ASXL2: variants seen among roughly 807,000 people sequenced by gnomAD.
ASXL2 encodes ASXL transcriptional regulator 2, also known as putative Polycomb group protein ASXL2.
In ASXL2, 23 loss-of-function variants were observed where a neutral mutation model predicts 122.0. That is an observed-to-expected ratio of 0.19 (90% CI 0.14 to 0.27). The LOEUF is 0.27. Ranked by LOEUF, ASXL2 falls within the 10% of genes least tolerant of loss-of-function variation. ASXL2 has a pLI of 1.00. For missense variants in ASXL2, 1,518 were observed against 1,713.8 expected, an observed-to-expected ratio of 0.89 and a Z score of 2.02; for synonymous variants, 650 against 637.0, an observed-to-expected ratio of 1.02 and a Z score of -0.31.
In ASXL2 at chr2:25,740,137, C is replaced by T. The variant is rs149989272; in HGVS notation, c.*1892G>A. ...GACAGACATATCGTTCTGGCTGAAGCTGGAACACAGATATTAATCCTATAT... is the reference window on the plus strand; with the variant it reads ...GACAGACATATCGTTCTGGCTGAAGTTGGAACACAGATATTAATCCTATAT... On this transcript the variant is annotated 3_prime_UTR_variant, in exon 13 of 13. Coordinates refer to ENST00000435504, the MANE Select transcript of ASXL2 (RefSeq NM_018263.6). 1.4e-4 allele frequency: 32 copies of T among 223,846 alleles called. No individual in the cohort carries two copies. Among genetic ancestry groups the T allele is most frequent in the African/African-American group, 6.7e-4 (30 of 44,952 alleles). The allele number at this position is 223,846 out of a possible 1,614,324, so 13.9% of individuals were successfully genotyped here. A position where few individuals can be genotyped will look rare whatever the true frequency, so the allele number is the denominator to read the frequency against.
intron 2 of ASXL2, among the ~76,000 whole-genome samples, chr2:25,839,380 C>T (rs1559525474): frequency 6.6e-6 from 1 of 152,200 alleles, no homozygotes; most frequent in Non-Finnish European, 1.5e-5. Flanking sequence ...CCAGATATCA[C>T]AGCTACAGCA....
intron 8 of ASXL2, among the ~76,000 whole-genome samples, chr2:25,761,249 C>T (rs2088237632): frequency 6.6e-6 from 1 of 152,124 alleles, no homozygotes; most frequent in Non-Finnish European, 1.5e-5. Flanking sequence ...AAAACTAAAG[C>T]TCTAGAAGTG....
intron 1 of ASXL2, among the ~76,000 whole-genome samples, chr2:25,867,931 A>G (rs193204337): frequency 4.5e-4 from 68 of 152,316 alleles, no homozygotes; most frequent in African/African-American, 1.5e-3. Flanking sequence ...TCATACTCCC[A>G]AATTTTAGTA....
At chr2:25,853,261 A>T (rs990915880) in intron 1 of ASXL2, among the ~76,000 whole-genome samples, 1 of 152,210 alleles carries the variant, frequency 6.6e-6, no homozygotes, top group African/African-American at 2.4e-5. Flanking sequence ...TGAGTTCAGG[A>T]GCTCAACACA....
At chr2:25,755,493 A>G (rs955813678) in intron 10 of ASXL2, among the ~76,000 whole-genome samples, 3 of 152,242 alleles carry the variant, frequency 2.0e-5, no homozygotes, top group Non-Finnish European at 4.4e-5. Flanking sequence ...TCTGACTGCC[A>G]ATTAACTGTC....
At chr2:25,828,077 TTTTAAG>T (rs1410928910) in intron 3 of ASXL2, among the ~76,000 whole-genome samples, 1 of 152,170 alleles carries the variant, frequency 6.6e-6, no homozygotes, top group East Asian at 1.9e-4. Context: ...TATGTTCTAT[TTTTAAG>T]TAAACAAATG....
chr2:25,857,232 A>G (rs1333705533), intron 1 of ASXL2, among the ~76,000 whole-genome samples: 1 of 152,078 alleles, frequency 6.6e-6, no homozygotes, highest in African/African-American at 2.4e-5. Flanking sequence ...AACACAGAGA[A>G]AAAGCACACC....
At chr2:25,867,042 A>G (rs1419655335) in intron 1 of ASXL2, among the ~76,000 whole-genome samples, 1 of 152,178 alleles carries the variant, frequency 6.6e-6, no homozygotes, top group Non-Finnish European at 1.5e-5. Flanking sequence ...CTGGGATTAC[A>G]GGCATGTGCC....
intron 1 of ASXL2, among the ~76,000 whole-genome samples, chr2:25,867,571 C>A (rs941896870): frequency 1.3e-5 from 2 of 152,190 alleles, no homozygotes; most frequent in African/African-American, 4.8e-5. Flanking sequence ...ACCAGTCTTT[C>A]CTGCCCTCTA....
intron 3 of ASXL2, among the ~76,000 whole-genome samples, chr2:25,830,584 T>C (rs985658434): frequency 1.2e-4 from 18 of 146,536 alleles, no homozygotes; most frequent in Middle Eastern, 3.6e-3. Context: ...CGAGATCGCA[T>C]CACTGCTCTC....
intron 1 of ASXL2, among the ~76,000 whole-genome samples, chr2:25,851,894 C>T (rs2089719997): frequency 6.6e-6 from 1 of 151,740 alleles, no homozygotes; most frequent in South Asian, 2.1e-4. Flanking sequence ...CTGCCTCCCC[C>T]ACCAAAAAAA....
At chr2:25,780,698 T>C (rs1284753205) in intron 5 of ASXL2, among the ~76,000 whole-genome samples, 2 of 152,240 alleles carry the variant, frequency 1.3e-5, no homozygotes, top group Non-Finnish European at 2.9e-5. Flanking sequence ...TGAGGTTAAT[T>C]CTTAGAAGTG....
chr2:25,780,769 T>C (rs1298341020), intron 5 of ASXL2, among the ~76,000 whole-genome samples: 1 of 152,238 alleles, frequency 6.6e-6, no homozygotes, highest in Non-Finnish European at 1.5e-5. Flanking sequence ...AAAAAAATTC[T>C]TTATTTTCAG....
chr2:25,748,373 G>C (rs1005429596), intron 12 of ASXL2, among the ~76,000 whole-genome samples: 1 of 150,960 alleles, frequency 6.6e-6, no homozygotes, highest in Non-Finnish European at 1.5e-5. Flanking sequence ...AGGTATGGTG[G>C]TGCATGCCTG....
chr2:25,873,074 T>C (rs561822487), intron 1 of ASXL2, among the ~76,000 whole-genome samples: 223 of 152,172 alleles, frequency 1.5e-3, no homozygotes, highest in African/African-American at 5.1e-3. Flanking sequence ...GTGTAGTCTT[T>C]TATCTCTCAT....
In ASXL2 at chr2:25,799,387, T is replaced by C. The variant is rs1210291699; in HGVS notation, c.401A>G (p.Lys134Arg). Reference sequence around the variant, plus strand: ...ATTGAAGGATCAGGTGGATTTACCTTTCCTTTTCCACCTGCTCTTTTTTCC... The same window carrying C: ...ATTGAAGGATCAGGTGGATTTACCTCTCCTTTTCCACCTGCTCTTTTTTCC... ...KEGKKSRWKRKVSSSSPQSGC... is the reference protein window; with the variant it reads ...KEGKKSRWKRRVSSSSPQSGC... The change falls in exon 5 of 13, where the codon AAA (lysine) becomes AGA (arginine). Residue 134 changes from lysine to arginine, a missense_variant and splice_region_variant. This residue lies in a region of ASXL2 where 198 missense variants were observed against 209.0 expected (regional missense o/e 0.95). Transcript: ENST00000435504. The C allele has an allele frequency of 2.5e-6, 4 of 1,613,886 alleles. No individual in the cohort carries two copies. The African/African-American group carries it at 5.3e-5, about 22-fold the overall frequency.
intron 11 of ASXL2, among the ~76,000 whole-genome samples, 168 bp downstream of exon 11, chr2:25,753,366 A>G (rs558372192): frequency 1.3e-5 from 2 of 152,072 alleles, no homozygotes; most frequent in South Asian, 4.1e-4. Flanking sequence ...CATAATAAGA[A>G]AAAAACTTCT....
chr2:25,857,596 G>C (rs1483444904), intron 1 of ASXL2, among the ~76,000 whole-genome samples: 1 of 152,108 alleles, frequency 6.6e-6, no homozygotes, highest in African/African-American at 2.4e-5. Flanking sequence ...AATGTAGAAC[G>C]CTCTTTTCCT....
rs1162115140 is a variant in ASXL2 at position 25,736,836 on chromosome 2, T to G, written c.*5193A>C. On this transcript the variant is annotated 3_prime_UTR_variant, in exon 13 of 13. Coordinates refer to ENST00000435504, the MANE Select transcript of ASXL2 (RefSeq NM_018263.6). ...ATTTTTCTTTTAGGTCATCAATGAT[T>G]CGATATATTATTCATTTGTTAAAAA... 1.3e-5 allele frequency: 2 copies of G among 152,244 alleles called. No homozygotes were observed. Among genetic ancestry groups the G allele is most frequent in the African/African-American group, 4.8e-5 (2 of 41,460 alleles). 9.4% of individuals were successfully genotyped at this position (152,244 alleles called of 1,614,324 possible). A position where few individuals can be genotyped will look rare whatever the true frequency, so the allele number is the denominator to read the frequency against.
Sources: gnomAD v4.1 joint callset for allele counts (sites outside exome capture counted in the v4.1 genomes callset) on GRCh38, gnomAD v4.1.1 for gene constraint, gnomAD v4.1.1 regional missense constraint, MANE v1.5 for transcripts, NCBI Gene and HGNC (gene_info 2026-07-23, HGNC 2026-07-21) for gene names.